ASTN2: variants seen among roughly 807,000 people sequenced by gnomAD.
ASTN2 encodes the protein astrotactin 2.
In ASTN2, 54 loss-of-function variants were observed where a neutral mutation model predicts 139.8. That is an observed-to-expected ratio of 0.39 (90% CI 0.31 to 0.48). ASTN2 has a LOEUF of 0.48. Among genes scored for constraint, ASTN2 ranks in the 20% least tolerant of loss-of-function variants. The pLI, the probability that ASTN2 is intolerant of heterozygous loss-of-function variation, is 0.95. For synonymous variants in ASTN2, 756 were observed against 719.5 expected (o/e 1.05, Z -0.81); for missense variants, 1,565 against 1,725.1 (o/e 0.91, Z 1.64).
chr9:116,803,311 TG>T (rs1307934585), intron 13 of ASTN2, among the ~76,000 whole-genome samples: 4 of 120,860 alleles, frequency 3.3e-5, no homozygotes, highest in Admixed American at 8.7e-5. Context: ...TCCTGATTTT[TG>T]TTCTTTTTTT....
intron 15 of ASTN2, among the ~76,000 whole-genome samples, chr9:116,727,025 C>G (rs1342321471): frequency 1.4e-5 from 2 of 146,126 alleles, no homozygotes; most frequent in African/African-American, 5.3e-5. Flanking sequence ...CACACACACA[C>G]ACACACACAC....
chr9:117,352,977 G>T (rs72764177), intron 1 of ASTN2, among the ~76,000 whole-genome samples: 1 of 152,118 alleles, frequency 6.6e-6, no homozygotes, highest in Non-Finnish European at 1.5e-5. Flanking sequence ...CATAAGGACC[G>T]AAAATAGATG....
At chr9:116,796,762 T>C (rs1303317543) in intron 13 of ASTN2, among the ~76,000 whole-genome samples, 2 of 152,182 alleles carry the variant, frequency 1.3e-5, no homozygotes, top group Admixed American at 6.5e-5. Context: ...ATAGTCCCCA[T>C]AGCTAACAAT....
Position 116,697,769 on chromosome 9 carries a change from G to C in ASTN2, c.2806+28002C>G, listed in dbSNP as rs201891227. The C allele has an allele frequency of 4.6e-5, 74 of 1,613,970 alleles. No homozygotes were observed. The highest frequency in any genetic ancestry group is 2.2e-4 in the Admixed American group (13 of 60,000). ...TGGCTGCAGCAGCAGCTTCTCACCT[G>C]AACCTGGATGCCCTCCGGGAAGTGC... On this transcript the variant is annotated intron_variant, in intron 16 of 22. Coordinates refer to ENST00000313400, the MANE Select transcript of ASTN2 (RefSeq NM_001365068.1).
intron 16 of ASTN2, chr9:116,687,395 A>T: frequency 5.9e-5 from 8 of 135,210 alleles, no homozygotes; most frequent in Non-Finnish European, 1.0e-4. Context: ...GGGGGCGGGA[A>T]GGAGGGTTGG....
At chr9:117,197,500 T>A (rs1315219312) in intron 3 of ASTN2, 2 of 152,202 alleles carry the variant, frequency 1.3e-5, no homozygotes, top group Non-Finnish European at 2.9e-5. Flanking sequence ...CATTGCTTAA[T>A]AAACTATCAA....
intron 5 of ASTN2, 93 bp downstream of exon 5, chr9:117,095,951 G>T: frequency 1.7e-6 from 2 of 1,201,430 alleles, no homozygotes; most frequent in Non-Finnish European, 1.2e-6. Flanking sequence ...CCAGGTTAGA[G>T]AAGATTTAGG....
chr9:117,354,491 A>T (rs1829480917), intron 1 of ASTN2, among the ~76,000 whole-genome samples: 1 of 152,144 alleles, frequency 6.6e-6, no homozygotes, highest in Non-Finnish European at 1.5e-5. Context: ...CTTTTTGAAT[A>T]CTTTCTTGAG....
At chr9:117,110,454 G>C (rs1459784816) in intron 4 of ASTN2, among the ~76,000 whole-genome samples, 1 of 152,132 alleles carries the variant, frequency 6.6e-6, no homozygotes, top group African/African-American at 2.4e-5. Flanking sequence ...AGGCTTTGAT[G>C]ATGATGATAA....
At chr9:116,909,862 T>C (rs1834264175) in intron 10 of ASTN2, among the ~76,000 whole-genome samples, 1 of 152,206 alleles carries the variant, frequency 6.6e-6, no homozygotes, top group Non-Finnish European at 1.5e-5. Context: ...TGAGAATTGG[T>C]CATTGGATTT....
chr9:116,694,955 A>G (rs893662304), intron 16 of ASTN2, among the ~76,000 whole-genome samples: 1 of 152,138 alleles, frequency 6.6e-6, no homozygotes, highest in Admixed American at 6.5e-5. Context: ...GTGTGAGAGT[A>G]GGTCACTCAG....
chr9:116,858,091 C>T (rs1832787421), intron 11 of ASTN2, among the ~76,000 whole-genome samples: 1 of 152,164 alleles, frequency 6.6e-6, no homozygotes, highest in South Asian at 2.1e-4. Context: ...CCAATGGTGC[C>T]AGTCCTAGCC....
chr9:117,180,765 G>C (rs1302480243), intron 3 of ASTN2: 1 of 1,566,768 alleles, frequency 6.4e-7, no homozygotes, highest in Non-Finnish European at 8.7e-7. Context: ...TGACCCCACA[G>C]CCATCAGGGA....
At chr9:116,621,953 A>G (rs73528731) in intron 17 of ASTN2, among the ~76,000 whole-genome samples, 3,766 of 152,304 alleles carry the variant, frequency 0.025, 149 homozygotes, top group African/African-American at 0.086. Context: ...TGAATGAATG[A>G]CAGCTGTCTT....
intron 1 of ASTN2, among the ~76,000 whole-genome samples, chr9:117,336,437 A>G (rs761328132): frequency 2.0e-5 from 3 of 152,162 alleles, no homozygotes; most frequent in Non-Finnish European, 2.9e-5. Context: ...ACCCTGAGGA[A>G]TCATCACCCG....
chr9:116,441,892 T>C (rs1847850336), intron 21 of ASTN2, among the ~76,000 whole-genome samples: 1 of 152,232 alleles, frequency 6.6e-6, no homozygotes, highest in South Asian at 2.1e-4. Flanking sequence ...CTGCTGTTTA[T>C]GTCATGAACC....
At chr9:117,285,813 T>A (rs1365085153) in intron 2 of ASTN2, among the ~76,000 whole-genome samples, 4 of 152,214 alleles carry the variant, frequency 2.6e-5, no homozygotes, top group African/African-American at 4.8e-5. Context: ...GAATCCTCCC[T>A]CATTGGAGGC....
At chr9:117,381,893 A>T (rs1830280213) in intron 1 of ASTN2, among the ~76,000 whole-genome samples, 1 of 152,162 alleles carries the variant, frequency 6.6e-6, no homozygotes, top group African/African-American at 2.4e-5. Context: ...AAAAATAAGG[A>T]TAGTGTTCTG....
chr9:116,776,883 C>T (rs974702704), intron 13 of ASTN2, among the ~76,000 whole-genome samples: 24 of 152,016 alleles, frequency 1.6e-4, no homozygotes, highest in Non-Finnish European at 7.4e-5. Flanking sequence ...GAATAGTGAG[C>T]GATAAGGGAC....
Sources: gnomAD v4.1 joint callset for allele counts (sites outside exome capture counted in the v4.1 genomes callset) on GRCh38, gnomAD v4.1.1 for gene constraint, MANE v1.5 for transcripts, NCBI Gene and HGNC (gene_info 2026-07-23, HGNC 2026-07-21) for gene names.